FAM227B: variants seen among roughly 807,000 people sequenced by gnomAD.
FAM227B encodes family with sequence similarity 227 member B.
FAM227B carries 88 observed loss-of-function variants against 73.8 expected under a neutral mutation model. That is an observed-to-expected ratio of 1.19 (90% CI 1.00 to 1.42). The LOEUF is 1.42. Ranked by LOEUF, FAM227B falls within the 40% of genes most tolerant of loss-of-function variation. The pLI, the probability that FAM227B is intolerant of heterozygous loss-of-function variation, is 0.00. For synonymous variants in FAM227B, 210 were observed against 190.5 expected, an observed-to-expected ratio of 1.10 and a Z score of -0.84; for missense variants, 632 against 590.9, an observed-to-expected ratio of 1.07 and a Z score of -0.72.
intron 11 of FAM227B, among the ~76,000 whole-genome samples, chr15:49,395,062 C>T (rs969599854): frequency 2.0e-5 from 3 of 152,050 alleles, no homozygotes; most frequent in Admixed American, 6.5e-5. Flanking sequence ...CCATGAGAGT[C>T]TGAACATTTT....
At chr15:49,525,703 T>C (rs182013265) in intron 10 of FAM227B, among the ~76,000 whole-genome samples, 37,094 of 121,958 alleles carry the variant, frequency 0.3, 7,768 homozygotes, top group Non-Finnish European at 0.39. Flanking sequence ...TATATATATA[T>C]ATATATATAT....
At chr15:49,613,676 C>A (rs953559841) in intron 2 of FAM227B, among the ~76,000 whole-genome samples, 1 of 151,900 alleles carries the variant, frequency 6.6e-6, no homozygotes, top group Non-Finnish European at 1.5e-5. Context: ...ATGATGGATA[C>A]CCCACTTACT....
chr15:49,534,275 A>G (rs1012293500), intron 10 of FAM227B, among the ~76,000 whole-genome samples: 1 of 151,848 alleles, frequency 6.6e-6, no homozygotes, highest in Admixed American at 6.6e-5. Context: ...ACCTCTCAAT[A>G]TTACCATGCT....
intron 13 of FAM227B, among the ~76,000 whole-genome samples, chr15:49,360,970 C>T (rs1175694625): frequency 4.6e-5 from 7 of 152,022 alleles, no homozygotes; most frequent in Admixed American, 4.6e-4. Flanking sequence ...TGTCATCCTC[C>T]CTCTTGTGAT....
Position 49,400,444 on chromosome 15 carries a change from C to T in FAM227B, c.1013-29045G>A, listed in dbSNP as rs1440019732. On this transcript the variant is annotated intron_variant, in intron 11 of 15. Transcript: ENST00000299338. ...TACTGCCCAAGGTAATTTACAGATT[C>T]AATGCCATCCCCATCAAGCTACCAA... is the stretch of plus-strand genomic sequence containing the variant. Among the ~76,000 whole-genome samples the T allele has an allele frequency of 1.0e-3, 105 of 105,244 alleles. 1 individual carries two copies. Among genetic ancestry groups the T allele is most frequent in the Non-Finnish European group, 1.7e-3 (92 of 55,184 alleles). The allele number at this position is 105,244 out of a possible 152,430, so 69.0% of individuals were successfully genotyped here.
At chr15:49,431,582 G>A (rs1363655054) in intron 11 of FAM227B, among the ~76,000 whole-genome samples, 1 of 151,696 alleles carries the variant, frequency 6.6e-6, no homozygotes, top group East Asian at 1.9e-4. Flanking sequence ...AGATTCTCCA[G>A]TTGCTTAACT....
intron 10 of FAM227B, among the ~76,000 whole-genome samples, chr15:49,531,194 T>C (rs117133403): frequency 0.012 from 1,860 of 152,042 alleles, 16 homozygotes; most frequent in Middle Eastern, 0.031. Context: ...AACTACATGC[T>C]GGAAATGTTC....
At chr15:49,404,906 T>C (rs1019184585) in intron 11 of FAM227B, among the ~76,000 whole-genome samples, 7 of 152,184 alleles carry the variant, frequency 4.6e-5, no homozygotes, top group African/African-American at 1.7e-4. Flanking sequence ...TTCCCGTCCA[T>C]ATTTAGTGCT....
intron 1 of FAM227B, among the ~76,000 whole-genome samples, chr15:49,615,655 C>A (rs1333333596): frequency 6.6e-6 from 1 of 152,162 alleles, no homozygotes; most frequent in Non-Finnish European, 1.5e-5. Context: ...GCCTGTGGAA[C>A]TGTGAGTCAA....
chr15:49,461,960 A>C (rs759154217), intron 11 of FAM227B, among the ~76,000 whole-genome samples: 24 of 152,190 alleles, frequency 1.6e-4, no homozygotes, highest in Non-Finnish European at 3.1e-4. Flanking sequence ...ACTTGAGGTA[A>C]GGAGTTCGAG....
intron 13 of FAM227B, among the ~76,000 whole-genome samples, chr15:49,351,213 C>T (rs1358892355): frequency 6.6e-6 from 1 of 152,104 alleles, no homozygotes; most frequent in Non-Finnish European, 1.5e-5. Flanking sequence ...CACTGTGCTT[C>T]TATACAAATA....
At chr15:49,474,591 T>A (rs1486320272) in intron 11 of FAM227B, among the ~76,000 whole-genome samples, 1 of 152,134 alleles carries the variant, frequency 6.6e-6, no homozygotes, top group African/African-American at 2.4e-5. Flanking sequence ...TTGAAAATAC[T>A]AGATAGCTAT....
At chr15:49,578,109 G>T (rs2075577705) in intron 5 of FAM227B, among the ~76,000 whole-genome samples, 1 of 152,184 alleles carries the variant, frequency 6.6e-6, no homozygotes, top group Non-Finnish European at 1.5e-5. Context: ...GCCACAACTG[G>T]CTCAAAGAAG....
chr15:49,495,480 CT>C (rs2057519019), intron 11 of FAM227B, among the ~76,000 whole-genome samples: 1 of 152,118 alleles, frequency 6.6e-6, no homozygotes, highest in Non-Finnish European at 1.5e-5. Flanking sequence ...AACAATATGA[CT>C]TAACAAATTG....
chr15:49,351,370 C>A (rs893087691), intron 13 of FAM227B, among the ~76,000 whole-genome samples: 1 of 152,158 alleles, frequency 6.6e-6, no homozygotes, highest in Admixed American at 6.5e-5. Context: ...ACGGCCAATT[C>A]CGCCCAAACT....
chr15:49,537,309 A>C lies in FAM227B; in HGVS notation c.874+4371T>G, dbSNP rs1442818258. On this transcript the variant is annotated intron_variant, in intron 10 of 15. Coordinates refer to ENST00000299338, the MANE Select transcript of FAM227B (RefSeq NM_152647.3). The stretch of plus-strand genomic sequence containing the variant: ...GACATACAAATATATGAAAAGACAC[A>C]GAAGTATATGAAAAGGTGCTCAATA... Among the ~76,000 whole-genome samples the C allele has an allele frequency of 2.0e-5, 3 of 152,168 alleles. No individual in the cohort carries two copies. The East Asian group carries it at 5.8e-4, about 29-fold the overall frequency.
chr15:49,600,471 T>C (rs1408645330), intron 3 of FAM227B, among the ~76,000 whole-genome samples: 1 of 151,576 alleles, frequency 6.6e-6, no homozygotes, highest in Non-Finnish European at 1.5e-5. Context: ...CTGACCAATA[T>C]GGTGAAACCC....
rs769228649 is a variant in FAM227B, at chr15:49,335,413, A to C, written c.1349+6T>G. 24 of 1,581,634 alleles carry C rather than the reference A, an allele frequency of 1.5e-5. No individual in the cohort carries two copies. The highest frequency in any genetic ancestry group is 2.1e-5 in the Non-Finnish European group (24 of 1,150,604). On this transcript the variant is annotated splice_donor_region_variant and intron_variant, in intron 14 of 15. Transcript: ENST00000299338. ...TATATTTAACAATAGTATAGCATCA[A>C]CTTACATCCTAAAATCCTTTTGGTT...
intron 11 of FAM227B, among the ~76,000 whole-genome samples, chr15:49,409,784 G>T (rs551794095): frequency 3.3e-5 from 5 of 152,014 alleles, no homozygotes; most frequent in Non-Finnish European, 5.9e-5. Flanking sequence ...TTCATCACTT[G>T]CAAAATGAGG....
Sources: gnomAD v4.1 joint callset for allele counts (sites outside exome capture counted in the v4.1 genomes callset) on GRCh38, gnomAD v4.1.1 for gene constraint, MANE v1.5 for transcripts, NCBI Gene and HGNC (gene_info 2026-07-23, HGNC 2026-07-21) for gene names.